IL4I1: variants seen among roughly 807,000 people sequenced by gnomAD.
IL4I1 encodes the protein L-amino-acid oxidase.
A neutral mutation model predicts 29.7 loss-of-function variants in IL4I1; 24 were observed. That is an observed-to-expected ratio of 0.81 (90% CI 0.59 to 1.14). The LOEUF is 1.14. IL4I1 is among the 50% of genes most tolerant of loss of function. The probability of loss-of-function intolerance (pLI) is 0.00; values close to 1 mark genes in which losing one functional copy is unlikely to be tolerated. For synonymous variants in IL4I1, 371 were observed against 352.5 expected, an observed-to-expected ratio of 1.05 and a Z score of -0.59; for missense variants, 686 against 785.6, an observed-to-expected ratio of 0.87 and a Z score of 1.52.
At chr19:49,898,751 C>T (rs904769160), upstream of IL4I1, among the ~76,000 whole-genome samples, 2 of 152,176 alleles carry the variant, frequency 1.3e-5, no homozygotes. Context: ...CACCTGTAAT[C>T]CCAACTACTC....
intron 1 of IL4I1, chr19:49,928,604 T>A (rs1169085033): frequency 7.9e-5 from 12 of 152,148 alleles, no homozygotes; most frequent in African/African-American, 2.4e-4. Context: ...TTGAGTCTCA[T>A]AAACCCACCA....
At chr19:49,902,804 G>A (rs377586347) in intron 3 of IL4I1, among the ~76,000 whole-genome samples, 88 of 149,142 alleles carry the variant, frequency 5.9e-4, no homozygotes, top group African/African-American at 2.1e-3. Flanking sequence ...CAGCCTAGGC[G>A]ACAGAGCGGG....
At chr19:49,912,615 G>A (rs2075500287) in intron 2 of IL4I1, among the ~76,000 whole-genome samples, 1 of 152,202 alleles carries the variant, frequency 6.6e-6, no homozygotes, top group Non-Finnish European at 1.5e-5. Context: ...TGTAATCCCA[G>A]CACTTTGGGA....
chr19:49,929,122 G>GC (rs995496481), intron 1 of IL4I1: 2 of 151,944 alleles, frequency 1.3e-5, no homozygotes, highest in Non-Finnish European at 2.9e-5. Context: ...TTGGGGCCGC[G>GC]CGAGGGCGGG....
At chr19:49,899,975 C>T (rs974309435), upstream of IL4I1, among the ~76,000 whole-genome samples, 4 of 152,146 alleles carry the variant, frequency 2.6e-5, no homozygotes, top group African/African-American at 9.7e-5. Flanking sequence ...GCTGGGACCA[C>T]AGGTGCACAC....
Position 49,890,117 on chromosome 19 carries a change from C to G in IL4I1, c.1257G>C (p.Ala419=). Residue 419 remains alanine (A), a synonymous_variant, in exon 8 of 8, where the codon GCG becomes GCC. Coordinates refer to ENST00000391826, the MANE Select transcript of IL4I1 (RefSeq NM_152899.2). ...GLSREEALRL[A]LDDVAALHGP... is the part of the protein sequence containing the mutation. Reference sequence around the variant, plus strand: ...CGTGCAATGCCGCCACGTCGTCGAGCGCCAAGCGCAACGCCTCTTCCCGGC... The same window carrying G: ...CGTGCAATGCCGCCACGTCGTCGAGGGCCAAGCGCAACGCCTCTTCCCGGC... 5.2e-6 allele frequency: 8 copies of G among 1,543,694 alleles called. No individual in the cohort carries two copies. The highest frequency in any genetic ancestry group is 7.0e-6 in the Non-Finnish European group (8 of 1,145,322).
chr19:49,907,657 C>G, intron 2 of IL4I1: 1 of 372,052 alleles, frequency 2.7e-6, no homozygotes, highest in Non-Finnish European at 5.1e-6. Context: ...CTCAGCCTCC[C>G]GAGTAGCTGA....
At chr19:49,924,205 G>A in intron 2 of IL4I1, among the ~76,000 whole-genome samples, 1 of 152,122 alleles carries the variant, frequency 6.6e-6, no homozygotes, top group Admixed American at 6.5e-5. Context: ...CATCTAACTG[G>A]CACTGTGATT....
At chr19:49,911,528 G>C (rs1431921943) in intron 2 of IL4I1, among the ~76,000 whole-genome samples, 1 of 152,060 alleles carries the variant, frequency 6.6e-6, no homozygotes, top group African/African-American at 2.4e-5. Context: ...GCTTGAGTAA[G>C]AGGCAACCTA....
chr19:49,897,949 C>T (rs188033390), upstream of IL4I1, among the ~76,000 whole-genome samples: 103 of 152,270 alleles, frequency 6.8e-4, no homozygotes, highest in African/African-American at 2.3e-3. Context: ...AGGCATGTGA[C>T]GCAGGGGCGG....
chr19:49,898,738 G>A (rs1177914567), upstream of IL4I1, among the ~76,000 whole-genome samples: 6 of 152,126 alleles, frequency 3.9e-5, no homozygotes, highest in African/African-American at 1.4e-4. Flanking sequence ...GCGTGGTGGT[G>A]CACACCTGTA....
At chr19:49,923,573 C>T (rs530988175) in intron 2 of IL4I1, among the ~76,000 whole-genome samples, 1 of 152,324 alleles carries the variant, frequency 6.6e-6, no homozygotes, top group Admixed American at 6.5e-5. Context: ...CTGGCAGCCG[C>T]CGGCTTCACT....
rs187693158 is a variant in IL4I1, at chr19:49,904,276, G to A, written c.-182C>T. The A allele has an allele frequency of 3.4e-3, 511 of 152,300 alleles. 1 individual carries two copies. Among genetic ancestry groups the A allele is most frequent in the African/African-American group, 0.011 (476 of 41,556 alleles). 9.4% of individuals were successfully genotyped at this position (152,300 alleles called of 1,614,324 possible). A position where few individuals can be genotyped will look rare whatever the true frequency, so the allele number is the denominator to read the frequency against. The stretch of plus-strand genomic sequence containing the variant: ...GAATTAATGAGGAACTTAAGGAAAG[G>A]CCATTTGTCAGGACTGGGAAGGAAG... On this transcript the variant is annotated 5_prime_UTR_variant, in exon 3 of 10. Transcript: ENST00000341114.
Position 49,889,686 on chromosome 19 carries a change from G to A in IL4I1, c.1688C>T (p.Thr563Met), listed in dbSNP as rs1265196755. The change falls in exon 8 of 8, where the codon ACG becomes ATG. Residue 563 changes from threonine to methionine, a missense_variant. Coordinates refer to ENST00000391826, the MANE Select transcript of IL4I1 (RefSeq NM_152899.2). ...GAAAATACTTTAATGCGAGGTCCTC[G>A]TGTGGGTCGTGTTTTGGAGAGATAA... ...GQLSLQNTTH[T>M]RTSH 1.3e-6 allele frequency: 2 copies of A among 1,500,122 alleles called. No individual in the cohort carries two copies. The highest frequency in any genetic ancestry group is 1.4e-5 in the South Asian group (1 of 71,962). The allele number at this position is 1,500,122 out of a possible 1,614,324, so 92.9% of individuals were successfully genotyped here. A position where few individuals can be genotyped will look rare whatever the true frequency, so the allele number is the denominator to read the frequency against.
chr19:49,894,982 TG>T, intron 4 of IL4I1, 85 bp downstream of exon 4: 2 of 979,228 alleles, frequency 2.0e-6, no homozygotes, highest in South Asian at 2.9e-5. Flanking sequence ...GGAGTCAGAG[TG>T]GAAGTTCGGG....
chr19:49,904,957 A>G (rs964329313), intron 2 of IL4I1, among the ~76,000 whole-genome samples: 1 of 151,978 alleles, frequency 6.6e-6, no homozygotes, highest in Non-Finnish European at 1.5e-5. Context: ...TGATCCGCCC[A>G]CCTTGGCCTC....
intron 2 of IL4I1, among the ~76,000 whole-genome samples, chr19:49,913,735 G>C (rs1482374090): frequency 6.6e-6 from 1 of 152,166 alleles, no homozygotes; most frequent in African/African-American, 2.4e-5. Context: ...AGAAAGCTTT[G>C]CTGAGCTCTG....
At position 49,911,119 on chromosome 19, in the gene IL4I1, C is replaced by A. The variant is rs3745491; in HGVS notation, c.-227-6798G>T. On this transcript the variant is annotated intron_variant, in intron 2 of 9. Transcript: ENST00000341114. ...TGGGATCTCACTCTGTTGCCCTGGT[C>A]TTCAACTCCTGGGCTCAAGCGATCC... 8 of 152,364 alleles carry A rather than the reference C, an allele frequency of 5.3e-5. No homozygotes were observed. The East Asian group carries it at 1.5e-3, about 29-fold the overall frequency. 9.4% of individuals were successfully genotyped at this position (152,364 alleles called of 1,614,324 possible).
At chr19:49,893,940 G>C (rs2075171260) in intron 5 of IL4I1, among the ~76,000 whole-genome samples, 4 of 148,982 alleles carry the variant, frequency 2.7e-5, no homozygotes, top group African/African-American at 9.9e-5. Flanking sequence ...GAGCTGAAAT[G>C]GCGCCATTGC....
Sources: allele counts gnomAD v4.1 joint callset (sites outside exome capture counted in the v4.1 genomes callset), GRCh38; gene constraint gnomAD v4.1.1; transcripts MANE v1.5; gene names NCBI Gene and HGNC (gene_info 2026-07-23, HGNC 2026-07-21).